Variants in CACNA2D1 observed in about 807,000 individuals in gnomAD.
The protein encoded by CACNA2D1 is calcium voltage-gated channel auxiliary subunit alpha2delta 1, also known as voltage-dependent calcium channel subunit alpha-2/delta-1.
A neutral mutation model predicts 171.5 loss-of-function variants in CACNA2D1; 53 were observed. The observed-to-expected ratio is 0.31, with a 90% CI of 0.25 to 0.39. The LOEUF is 0.39. Ranked by LOEUF, CACNA2D1 falls within the 10% of genes least tolerant of loss-of-function variation. CACNA2D1 has a pLI of 1.00. For synonymous variants in CACNA2D1, 442 were observed against 443.1 expected, an observed-to-expected ratio of 1.00 and a Z score of 0.03; for missense variants, 903 against 1,299.8, an observed-to-expected ratio of 0.69 and a Z score of 4.69.
At chr7:82,094,257 T>C (rs890477513) in intron 6 of CACNA2D1, among the ~76,000 whole-genome samples, 9 of 152,076 alleles carry the variant, frequency 5.9e-5, no homozygotes, top group African/African-American at 9.6e-5. Context: ...AAAAACTATA[T>C]ACATCTCAGA....
At chr7:82,193,137 G>A (rs924899942) in intron 3 of CACNA2D1, among the ~76,000 whole-genome samples, 2 of 151,850 alleles carry the variant, frequency 1.3e-5, no homozygotes, top group African/African-American at 4.8e-5. Flanking sequence ...GCTTTGGAAT[G>A]AGAATTGCAC....
At chr7:81,985,284 C>G (rs954446718) in intron 21 of CACNA2D1, among the ~76,000 whole-genome samples, 1 of 149,190 alleles carries the variant, frequency 6.7e-6, no homozygotes, top group Admixed American at 6.8e-5. Flanking sequence ...TCATCACAGC[C>G]TAAATCCCCT....
intron 34 of CACNA2D1, among the ~76,000 whole-genome samples, chr7:81,962,727 A>G (rs1383092551): frequency 6.6e-6 from 1 of 152,004 alleles, no homozygotes; most frequent in Non-Finnish European, 1.5e-5. Flanking sequence ...GTGGGACACA[A>G]TGTGTGAAGA....
At chr7:82,361,296 C>T (rs1490450353) in intron 1 of CACNA2D1, among the ~76,000 whole-genome samples, 4 of 152,106 alleles carry the variant, frequency 2.6e-5, no homozygotes, top group African/African-American at 9.7e-5. Flanking sequence ...CTGTTTTTCA[C>T]CATTAATGCA....
At chr7:82,250,452 G>T (rs1025891697) in intron 3 of CACNA2D1, among the ~76,000 whole-genome samples, 1 of 152,026 alleles carries the variant, frequency 6.6e-6, no homozygotes, top group African/African-American at 2.4e-5. Flanking sequence ...ATTTCCTGTG[G>T]ATATATCCTG....
At position 82,404,058 on chromosome 7, in the gene CACNA2D1, T is replaced by C. The variant is rs562202213; in HGVS notation, c.95+39307A>G. 6.6e-5 allele frequency among the ~76,000 whole-genome samples: 10 copies of C among 152,314 alleles called. No individual in the cohort carries two copies. In the South Asian group the frequency reaches 2.1e-3, roughly 32 times the overall value. ...AAAATCTAGCAGTGTTAACTAAGAA[T>C]TCACTTTCCTCTTCCTCTATCTGCC... On this transcript the variant is annotated intron_variant, in intron 1 of 38. Coordinates refer to ENST00000356860, the MANE Select transcript of CACNA2D1 (RefSeq NM_000722.4).
intron 31 of CACNA2D1, among the ~76,000 whole-genome samples, 172 bp downstream of exon 31, chr7:81,966,997 A>C (rs1273659078): frequency 1.3e-5 from 2 of 151,556 alleles, no homozygotes; most frequent in Non-Finnish European, 3.0e-5. Context: ...CAAGCACTTT[A>C]CATTCAAAAT....
intron 4 of CACNA2D1, among the ~76,000 whole-genome samples, chr7:82,157,883 T>C (rs968757774): frequency 1.3e-5 from 2 of 151,996 alleles, no homozygotes; most frequent in Non-Finnish European, 2.9e-5. Context: ...ATTTCACCAA[T>C]TGTTGAGTTC....
At chr7:82,177,484 G>T (rs1263247584) in intron 3 of CACNA2D1, among the ~76,000 whole-genome samples, 5 of 152,166 alleles carry the variant, frequency 3.3e-5, no homozygotes, top group South Asian at 2.1e-4. Context: ...GGTTTGGATT[G>T]AACAAACAAA....
chr7:82,052,687 A>C (rs568807157), intron 10 of CACNA2D1, among the ~76,000 whole-genome samples: 32 of 152,360 alleles, frequency 2.1e-4, no homozygotes, highest in African/African-American at 6.7e-4. Context: ...AATGCAAATA[A>C]GAATATATGA....
chr7:81,970,847 T>C lies in CACNA2D1; in HGVS notation c.2142-110A>G. ...AAGTTTAGGAAGTAAAGGAAATATA[T>C]CAATAGATACACAACTATGTTTTAA... On this transcript the variant is annotated intron_variant, in intron 26 of 38. Transcript: ENST00000356860. 9.4e-6 allele frequency: 7 copies of C among 748,258 alleles called. No homozygotes were observed. The South Asian group carries it at 9.7e-5, about 10-fold the overall frequency. The allele number at this position is 748,258 out of a possible 1,614,324, so 46.4% of individuals were successfully genotyped here. A position where few individuals can be genotyped will look rare whatever the true frequency, so the allele number is the denominator to read the frequency against.
At chr7:81,963,911 T>C (rs1794431536) in intron 34 of CACNA2D1, 145 bp downstream of exon 34, 1 of 681,108 alleles carries the variant, frequency 1.5e-6, no homozygotes, top group Non-Finnish European at 2.6e-6. Flanking sequence ...CTATAAATAT[T>C]ACCAATAGGT....
intron 10 of CACNA2D1, among the ~76,000 whole-genome samples, chr7:82,041,954 T>C (rs905400120): frequency 6.6e-6 from 1 of 152,100 alleles, no homozygotes; most frequent in African/African-American, 2.4e-5. Context: ...TTGCTCAGAG[T>C]CTTTCAGTTG....
At chr7:82,303,684 C>A (rs1813339319) in intron 3 of CACNA2D1, among the ~76,000 whole-genome samples, 1 of 152,014 alleles carries the variant, frequency 6.6e-6, no homozygotes, top group Admixed American at 6.6e-5. Context: ...TGAAACTGGG[C>A]CCCTATCTTT....
At chr7:82,305,867 A>G (rs1468208004) in intron 3 of CACNA2D1, among the ~76,000 whole-genome samples, 1 of 152,196 alleles carries the variant, frequency 6.6e-6, no homozygotes, top group African/African-American at 2.4e-5. Flanking sequence ...TTGAAGCTGC[A>G]GTCGAGGGAA....
intron 1 of CACNA2D1, among the ~76,000 whole-genome samples, chr7:82,407,775 C>T (rs1270175942): frequency 1.3e-5 from 2 of 152,040 alleles, no homozygotes; most frequent in African/African-American, 4.8e-5. Context: ...CACTGTAGAA[C>T]ATAGTATTTG....
chr7:82,386,742 A>G (rs1003347220), intron 1 of CACNA2D1, among the ~76,000 whole-genome samples: 1 of 135,840 alleles, frequency 7.4e-6, no homozygotes, highest in African/African-American at 3.4e-5. Flanking sequence ...TCAAAAATAA[A>G]TAAATAAATA....
chr7:82,195,663 A>T (rs987923490), intron 3 of CACNA2D1, among the ~76,000 whole-genome samples: 16 of 149,384 alleles, frequency 1.1e-4, no homozygotes, highest in African/African-American at 3.7e-4. Context: ...ATGTATTTAA[A>T]AAAAAAAAAA....
chr7:81,961,522 TAA>T (rs1483767988), intron 36 of CACNA2D1, among the ~76,000 whole-genome samples: 2 of 151,424 alleles, frequency 1.3e-5, no homozygotes, highest in African/African-American at 4.8e-5. Flanking sequence ...TTTAAATTAC[TAA>T]TATATTTAAT....
Sources: gnomAD v4.1 joint callset for allele counts (sites outside exome capture counted in the v4.1 genomes callset) on GRCh38, gnomAD v4.1.1 for gene constraint, MANE v1.5 for transcripts, NCBI Gene and HGNC (gene_info 2026-07-23, HGNC 2026-07-21) for gene names.